NTRK3: variants seen among roughly 807,000 people sequenced by gnomAD.
The protein encoded by NTRK3 is NT-3 growth factor receptor.
A neutral mutation model predicts 91.7 loss-of-function variants in NTRK3; 24 were observed. The ratio of observed to expected loss-of-function variants is 0.26; its 90% CI spans 0.19 to 0.37. The LOEUF is 0.37. Among genes scored for constraint, NTRK3 ranks in the 10% least tolerant of loss-of-function variants. The pLI is 1.00. For synonymous variants in NTRK3, 483 were observed against 404.0 expected, an observed-to-expected ratio of 1.20 and a Z score of -2.34; for missense variants, 880 against 1,068.9, an observed-to-expected ratio of 0.82 and a Z score of 2.46.
chr15:87,902,127 A>C (rs1339713497), intron 17 of NTRK3, among the ~76,000 whole-genome samples: 3 of 152,234 alleles, frequency 2.0e-5, no homozygotes, highest in Non-Finnish European at 2.9e-5. Context: ...GGGAACCTAC[A>C]CCAGCCCAGA....
At position 88,163,162 on chromosome 15, in the gene NTRK3, C is replaced by T. The variant is rs74027785; in HGVS notation, c.396-15759G>A. 3.5e-3 allele frequency among the ~76,000 whole-genome samples: 526 copies of T among 152,202 alleles called. 3 individuals carry two copies. Among genetic ancestry groups the T allele is most frequent in the African/African-American group, 0.012 (499 of 41,514 alleles). On this transcript the variant is annotated intron_variant, in intron 5 of 18. Coordinates refer to ENST00000394480, the Ensembl canonical transcript of NTRK3. ...CAGGCTCCCAACTCATACAGAAATTCCCCCAACACAGCCCCAATGGACTAT... is the reference window on the plus strand; with the variant it reads ...CAGGCTCCCAACTCATACAGAAATTTCCCCAACACAGCCCCAATGGACTAT...
chr15:87,940,862 A>G, intron 14 of NTRK3, 109 bp from the exon 15 acceptor site: 1 of 1,507,606 alleles, frequency 6.6e-7, no homozygotes. Context: ...CTGAGCCTAC[A>G]GCAGGCAAAG....
rs751297846 is a variant in NTRK3 at position 88,255,946 on chromosome 15, T to A, written c.208A>T (p.Ser70Cys). 5 of 1,613,412 alleles carry A rather than the reference T, an allele frequency of 3.1e-6. No individual in the cohort carries two copies. The South Asian group carries it at 4.4e-5, about 14-fold the overall frequency. ...CTTGAGATGTCCGTGATGTTGATAC[T>A]GGCGTTCCCATTGCTGTTCCCTGAA... The change falls in exon 3 of 19, where the codon AGT (serine) becomes TGT (cysteine). Residue 70 changes from serine to cysteine, a missense_variant. By Grantham distance (112) the Ser-to-Cys change is moderately radical. Around this residue, in one of 3 missense-constraint regions of NTRK3, gnomAD observed 743 missense variants for 868.6 expected, o/e 0.86. Coordinates refer to ENST00000394480, the Ensembl canonical transcript of NTRK3. This position sits in a 1 kb window ranked among gnomAD's most constrained non-coding sequence, Gnocchi z 4.3.
At chr15:88,247,853 G>A (rs1254615677) in intron 3 of NTRK3, among the ~76,000 whole-genome samples, 9 of 152,208 alleles carry the variant, frequency 5.9e-5, no homozygotes, top group Admixed American at 5.2e-4. Flanking sequence ...GAGAGGCGGG[G>A]TAAGGTCGCG....
intron 3 of NTRK3, among the ~76,000 whole-genome samples, chr15:88,188,798 C>T (rs2047155531): frequency 6.6e-6 from 1 of 152,246 alleles, no homozygotes; most frequent in Non-Finnish European, 1.5e-5. Context: ...CTACACATTC[C>T]AGATGCAACA....
chr15:87,953,521 TGACGGTCAGTGGAAAATA>T (rs1354270731), intron 14 of NTRK3, among the ~76,000 whole-genome samples: 1 of 152,228 alleles, frequency 6.6e-6, no homozygotes, highest in African/African-American at 2.4e-5. Flanking sequence ...TTTCTGGGAC[TGACGGTCAGTGGAAAATA>T]GAGAAGGGAG....
At chr15:88,061,240 T>C (rs1337095495) in intron 13 of NTRK3, among the ~76,000 whole-genome samples, 1 of 152,168 alleles carries the variant, frequency 6.6e-6, no homozygotes, top group Non-Finnish European at 1.5e-5. Flanking sequence ...AATGAATAAA[T>C]TTAACTTTCA....
chr15:87,984,515 G>C (rs2074568356), intron 14 of NTRK3, among the ~76,000 whole-genome samples: 1 of 152,214 alleles, frequency 6.6e-6, no homozygotes, highest in Admixed American at 6.5e-5. Context: ...ACTGGCCGAG[G>C]TGAGTGAGCC....
At chr15:88,228,848 G>A (rs995130174) in intron 3 of NTRK3, among the ~76,000 whole-genome samples, 1 of 152,120 alleles carries the variant, frequency 6.6e-6, no homozygotes, top group South Asian at 2.1e-4. Flanking sequence ...AAAGCCACAT[G>A]TTCATCTGCT....
At chr15:88,070,526 GAGA>G (rs1036415474) in intron 13 of NTRK3, among the ~76,000 whole-genome samples, 10 of 152,158 alleles carry the variant, frequency 6.6e-5, no homozygotes, top group African/African-American at 2.4e-4. Context: ...CCTTCAATTA[GAGA>G]AGGTCATGTC....
intron 13 of NTRK3, among the ~76,000 whole-genome samples, chr15:88,043,772 GAGAA>G (rs1488211423): frequency 1.3e-5 from 2 of 152,288 alleles, no homozygotes; most frequent in Non-Finnish European, 2.9e-5. Context: ...TGAGTTAGAA[GAGAA>G]AGAGAGAGAG....
chr15:88,070,131 T>C (rs909102980), intron 13 of NTRK3, among the ~76,000 whole-genome samples: 11 of 152,144 alleles, frequency 7.2e-5, no homozygotes, highest in Non-Finnish European at 1.2e-4. Context: ...ACGTCCTCTA[T>C]GAATTTAACA....
chr15:88,063,546 T>C (rs1407988640), intron 13 of NTRK3, among the ~76,000 whole-genome samples: 1 of 152,198 alleles, frequency 6.6e-6, no homozygotes, highest in East Asian at 1.9e-4. Flanking sequence ...CTGTCAGAAC[T>C]CTTAGCACTG....
intron 14 of NTRK3, among the ~76,000 whole-genome samples, chr15:87,955,776 G>A (rs200374696): frequency 3.6e-3 from 551 of 152,288 alleles, no homozygotes; most frequent in Middle Eastern, 6.8e-3. Flanking sequence ...CGTTGTTGAC[G>A]GTGATGGAAA....
chr15:87,989,418 C>G (rs951358019), intron 14 of NTRK3, among the ~76,000 whole-genome samples: 1 of 152,120 alleles, frequency 6.6e-6, no homozygotes, highest in South Asian at 2.1e-4. Context: ...AAACCAAACA[C>G]CACATGTTCT....
intron 6 of NTRK3, among the ~76,000 whole-genome samples, chr15:88,145,259 C>A (rs2042782256): frequency 6.6e-6 from 1 of 152,190 alleles, no homozygotes; most frequent in African/African-American, 2.4e-5. Context: ...CGCGGCCCCT[C>A]CAGCCAAAAG....
chr15:87,862,314 C>T, exon 19 of NTRK3: 1 of 224,416 alleles, frequency 4.5e-6, no homozygotes. Context: ...TGGCTCTGTC[C>T]TACTTTTTCC....
intron 14 of NTRK3, among the ~76,000 whole-genome samples, chr15:87,943,069 A>G (rs989333485): frequency 2.6e-5 from 4 of 152,014 alleles, no homozygotes; most frequent in African/African-American, 9.7e-5. Context: ...AAAATCACCT[A>G]GACGGCTTGT....
At position 87,940,053 on chromosome 15, in the gene NTRK3, T is replaced by C. The variant is rs187415520; in HGVS notation, c.1716+570A>G. Among the ~76,000 whole-genome samples the C allele has an allele frequency of 8.5e-5, 13 of 152,314 alleles. No homozygotes were observed. In the East Asian group the frequency reaches 2.1e-3, roughly 25 times the overall value. The stretch of plus-strand genomic sequence containing the variant: ...AAGTTTCTCCCAGGCATGCTGCCCC[T>C]TGGGGTCTGAACCTGAAACCCATGG... On this transcript the variant is annotated intron_variant, in intron 15 of 18. Transcript: ENST00000394480.
Sources: gnomAD v4.1 joint callset for allele counts (sites outside exome capture counted in the v4.1 genomes callset) on GRCh38, gnomAD v4.1.1 for gene constraint, gnomAD v4.1.1 regional missense constraint, Gnocchi (gnomAD v3.1) non-coding constraint, MANE v1.5 for transcripts, NCBI Gene and HGNC (gene_info 2026-07-23, HGNC 2026-07-21) for gene names.